Variants in PATJ observed in about 807,000 individuals in gnomAD.
PATJ encodes PATJ crumbs cell polarity complex component.
PATJ carries 190 observed loss-of-function variants against 224.9 expected under a neutral mutation model. That is an observed-to-expected ratio of 0.84 (90% CI 0.75 to 0.95). The LOEUF (loss-of-function observed/expected upper bound fraction) is 0.95. Among genes scored for constraint, PATJ ranks in the 40% least tolerant of loss-of-function variants. The probability of loss-of-function intolerance (pLI) is 0.00; values close to 1 mark genes in which losing one functional copy is unlikely to be tolerated. For missense variants in PATJ, 2,121 were observed against 2,270.3 expected, an observed-to-expected ratio of 0.93 and a Z score of 1.34; for synonymous variants, 769 against 820.3, an observed-to-expected ratio of 0.94 and a Z score of 1.07.
Position 61,771,617 on chromosome 1 carries a change from G to A in PATJ, c.711G>A (p.Leu237=), listed in dbSNP as rs1034156071. Residue 237 remains leucine (L), a synonymous_variant, in exon 6 of 44, where the codon CTG becomes CTA. Coordinates refer to ENST00000642238, the MANE Select transcript of PATJ (RefSeq NM_001350145.3). The part of the protein sequence containing the change: ...STSSSLNDTT[L]PETVCWGHVE... The stretch of plus-strand genomic sequence containing the variant: ...CTAGCAGCCTAAATGATACAACTCT[G>A]CCTGAAACAGTGAGTTGCAAATTTG... 3.2e-6 allele frequency: 5 copies of A among 1,574,740 alleles called. No homozygotes were observed. In the African/African-American group the frequency reaches 6.9e-5, roughly 22 times the overall value.
chr1:61,766,547 C>T (rs1646283027), intron 4 of PATJ, 74 bp downstream of exon 4: 1 of 1,019,688 alleles, frequency 9.8e-7, no homozygotes, highest in Admixed American at 2.7e-5. Flanking sequence ...AGCTTATACT[C>T]ATTCTTTTTG....
intron 14 of PATJ, among the ~76,000 whole-genome samples, chr1:61,822,001 T>C (rs1352416773): frequency 6.6e-6 from 1 of 152,188 alleles, no homozygotes; most frequent in African/African-American, 2.4e-5. Flanking sequence ...AGACCTAGAA[T>C]GGATAAACGA....
chr1:61,881,498 G>A (rs1258592276), intron 21 of PATJ, among the ~76,000 whole-genome samples: 1 of 145,982 alleles, frequency 6.9e-6, no homozygotes, highest in Non-Finnish European at 1.5e-5. Context: ...TGCAACCTCC[G>A]CCTCCCAGGT....
At chr1:61,863,198 C>T (rs1664908173) in intron 19 of PATJ, among the ~76,000 whole-genome samples, 1 of 151,922 alleles carries the variant, frequency 6.6e-6, no homozygotes, top group Non-Finnish European at 1.5e-5. Flanking sequence ...CCATGCCTGG[C>T]TAATTTTTAA....
At chr1:61,909,363 T>G (rs1234339074) in intron 25 of PATJ, among the ~76,000 whole-genome samples, 1 of 152,216 alleles carries the variant, frequency 6.6e-6, no homozygotes, top group African/African-American at 2.4e-5. Flanking sequence ...GATGTGGATT[T>G]TATACTACAA....
chr1:61,759,595 A>G (rs1257092052), intron 1 of PATJ, among the ~76,000 whole-genome samples: 1 of 152,126 alleles, frequency 6.6e-6, no homozygotes, highest in Non-Finnish European at 1.5e-5. Context: ...TTTTTAGTAC[A>G]CAAGGTTTCA....
chr1:62,050,789 AAAC>A (rs1208760206), intron 30 of PATJ, among the ~76,000 whole-genome samples, 174 bp from the exon 31 acceptor site: 2 of 152,232 alleles, frequency 1.3e-5, no homozygotes, highest in Non-Finnish European at 2.9e-5. Context: ...TAGATACCTG[AAAC>A]AACAACAACA....
Position 62,031,910 on chromosome 1 carries a change from C to T in PATJ, c.3960-6067C>T, listed in dbSNP as rs185545934. ...ATTTTGAACAATGGTACCTGGTAAG[C>T]GGTCAAATGTTATGTTTCTAGTTAT... On this transcript the variant is annotated intron_variant, in intron 29 of 43. Transcript: ENST00000642238. Among the ~76,000 whole-genome samples the T allele has an allele frequency of 1.5e-3, 223 of 152,236 alleles. 1 individual carries two copies. The highest frequency in any genetic ancestry group is 5.2e-3 in the African/African-American group (216 of 41,524).
intron 33 of PATJ, among the ~76,000 whole-genome samples, chr1:62,089,385 G>C (rs946758159): frequency 1.6e-5 from 2 of 122,350 alleles, no homozygotes; most frequent in African/African-American, 3.2e-5. Flanking sequence ...CTGTGAGGCA[G>C]CTAAAAAAAA....
intron 27 of PATJ, among the ~76,000 whole-genome samples, chr1:61,940,834 T>C (rs1039341002): frequency 1.2e-4 from 18 of 152,214 alleles, no homozygotes; most frequent in Non-Finnish European, 2.2e-4. Context: ...TCAGTTTTTT[T>C]AAGTTTAGCA....
In PATJ at chr1:62,117,113, C is replaced by A; in HGVS notation, c.4804-19C>A. 6.2e-7 allele frequency: 1 copy of A among 1,601,228 alleles called. No individual in the cohort carries two copies. The highest frequency in any genetic ancestry group is 8.5e-7 in the Non-Finnish European group (1 of 1,169,866). On this transcript the variant is annotated intron_variant, in intron 36 of 43. Coordinates refer to ENST00000642238, the MANE Select transcript of PATJ (RefSeq NM_001350145.3). ...AATGCTACTACTTTTCATTTCTGTT[C>A]TTTTCTTGCCTTTCCAAGTGTGCAC...
At chr1:61,990,078 G>A in intron 27 of PATJ, 90 bp from the exon 28 acceptor site, 1 of 994,554 alleles carries the variant, frequency 1.0e-6, no homozygotes, top group Non-Finnish European at 1.5e-6. Flanking sequence ...TACCATAGTT[G>A]AGAAATCACA....
Position 61,839,849 on chromosome 1 carries a change from G to T in PATJ, c.2112+6064G>T, listed in dbSNP as rs56741633. ...AATTTTTGCCAAAGCTGATATTTTTGAAACACTATTTTTATCTCTCTCAAA... is the reference window on the plus strand; with the variant it reads ...AATTTTTGCCAAAGCTGATATTTTTTAAACACTATTTTTATCTCTCTCAAA... On this transcript the variant is annotated intron_variant, in intron 17 of 43. Coordinates refer to ENST00000642238, the MANE Select transcript of PATJ (RefSeq NM_001350145.3). Among the ~76,000 whole-genome samples the T allele has an allele frequency of 1.8e-3, 273 of 151,790 alleles. 1 individual carries two copies. Among genetic ancestry groups the T allele is most frequent in the African/African-American group, 6.4e-3 (265 of 41,448 alleles).
chr1:62,103,158 A>G (rs1352714243), intron 33 of PATJ, among the ~76,000 whole-genome samples: 1 of 152,222 alleles, frequency 6.6e-6, no homozygotes, highest in East Asian at 1.9e-4. Context: ...GAAAATCCCA[A>G]GCTAGCTTTT....
At chr1:61,925,936 T>C (rs375070789) in intron 26 of PATJ, among the ~76,000 whole-genome samples, 34 of 152,344 alleles carry the variant, frequency 2.2e-4, no homozygotes, top group East Asian at 1.9e-3. Context: ...ATCTTTTCTA[T>C]AGGACTAAAA....
intron 30 of PATJ, among the ~76,000 whole-genome samples, chr1:62,049,096 T>C (rs11577828): frequency 0.34 from 51,734 of 151,850 alleles, 9,671 homozygotes; most frequent in Middle Eastern, 0.49. Flanking sequence ...AATTTTTTTT[T>C]CTTCTTTTAG....
At chr1:61,999,536 T>C (rs1456899289) in intron 28 of PATJ, among the ~76,000 whole-genome samples, 1 of 151,952 alleles carries the variant, frequency 6.6e-6, no homozygotes, top group African/African-American at 2.4e-5. Context: ...AAAATGGTGG[T>C]ACACAGCTGT....
chr1:61,845,854 C>G (rs1661859482), intron 17 of PATJ, among the ~76,000 whole-genome samples: 1 of 152,154 alleles, frequency 6.6e-6, no homozygotes, highest in South Asian at 2.1e-4. Flanking sequence ...TTGAGGATGC[C>G]ATGCTGTTCT....
chr1:61,823,204 G>GA (rs947143805), intron 15 of PATJ, 125 bp downstream of exon 15: 128 of 882,714 alleles, frequency 1.5e-4, no homozygotes, highest in Non-Finnish European at 2.0e-4. Context: ...CTCTTAGATT[G>GA]AAAAAACCGA....
Sources: gnomAD v4.1 joint callset for allele counts (sites outside exome capture counted in the v4.1 genomes callset) on GRCh38, gnomAD v4.1.1 for gene constraint, MANE v1.5 for transcripts, NCBI Gene and HGNC (gene_info 2026-07-23, HGNC 2026-07-21) for gene names.